The following FGF14 variants were observed in gnomAD, a reference collection of about 807,000 sequenced individuals.
The protein encoded by FGF14 is fibroblast growth factor homologous factor 4.
Under a neutral mutation model 25.5 loss-of-function variants are expected in FGF14, and 5 were observed. The observed-to-expected ratio is 0.20, with a 90% CI of 0.10 to 0.41. The LOEUF (loss-of-function observed/expected upper bound fraction) is 0.41, where lower values mean the gene tolerates loss of function less well. Among genes scored for constraint, FGF14 ranks in the 10% least tolerant of loss-of-function variants. The probability of loss-of-function intolerance (pLI) is 1.00; values close to 1 mark genes in which losing one functional copy is unlikely to be tolerated. For missense variants in FGF14, 222 were observed against 320.1 expected (o/e 0.69, Z 2.34); for synonymous variants, 138 against 118.3 (o/e 1.17, Z -1.08).
At chr13:102,143,741 C>T (rs1440055723) in intron 1 of FGF14, among the ~76,000 whole-genome samples, 1 of 152,172 alleles carries the variant, frequency 6.6e-6, no homozygotes, top group Non-Finnish European at 1.5e-5. Context: ...CACTATGTTT[C>T]AGACCTCTAT....
chr13:102,041,241 T>TCTCA (rs1449771961), intron 1 of FGF14, among the ~76,000 whole-genome samples: 1 of 152,102 alleles, frequency 6.6e-6, no homozygotes, highest in African/African-American at 2.4e-5. Context: ...AGAATGTGCA[T>TCTCA]CTCAATATAT....
At chr13:102,350,396 A>G (rs568715230) in intron 1 of FGF14, among the ~76,000 whole-genome samples, 1 of 150,984 alleles carries the variant, frequency 6.6e-6, no homozygotes, top group Non-Finnish European at 1.5e-5. Flanking sequence ...AAAAAAAATC[A>G]TCTCCCCAAC....
At position 102,097,843 on chromosome 13, in the gene FGF14, G is replaced by A. The variant is rs549539918; in HGVS notation, c.209-222547C>T. ...ACGATCAGAAAATAACAACTGCCAC[G>A]TGTGTAAAGCTCCCTGCTGATATCT... On this transcript the variant is annotated intron_variant, in intron 1 of 4. Coordinates refer to the FGF14 transcript ENST00000376131. Among the ~76,000 whole-genome samples, 13 of 152,294 alleles carry A rather than the reference G, an allele frequency of 8.5e-5. No homozygotes were observed. The South Asian group carries it at 1.2e-3, about 15-fold the overall frequency.
chr13:101,863,636 C>G (rs1378873304), intron 3 of FGF14, among the ~76,000 whole-genome samples: 1 of 151,942 alleles, frequency 6.6e-6, no homozygotes, highest in Non-Finnish European at 1.5e-5. Context: ...AGGTGAGGGA[C>G]ATGTATGTCT....
chr13:102,232,015 T>C (rs1417051825), intron 1 of FGF14, among the ~76,000 whole-genome samples: 1 of 152,224 alleles, frequency 6.6e-6, no homozygotes, highest in Non-Finnish European at 1.5e-5. Context: ...GAGTGTGCTG[T>C]GGTTTATGTA....
At chr13:102,158,450 C>T (rs1241670581) in intron 1 of FGF14, among the ~76,000 whole-genome samples, 1 of 142,554 alleles carries the variant, frequency 7.0e-6, no homozygotes, top group Non-Finnish European at 1.5e-5. Flanking sequence ...TGTTCTCACT[C>T]ATAGGTGGGA....
intron 1 of FGF14, among the ~76,000 whole-genome samples, chr13:101,953,748 G>A (rs976788589): frequency 6.6e-6 from 1 of 151,522 alleles, no homozygotes; most frequent in African/African-American, 2.4e-5. Flanking sequence ...GTGCCAACAC[G>A]GCTGGCTAAT....
chr13:102,278,707 T>C (rs1018498138), intron 1 of FGF14, among the ~76,000 whole-genome samples: 2 of 151,898 alleles, frequency 1.3e-5, no homozygotes, highest in African/African-American at 4.8e-5. Context: ...TGCATTACTC[T>C]GAAAAATCCC....
intron 1 of FGF14, among the ~76,000 whole-genome samples, chr13:102,220,951 G>A (rs1056303601): frequency 6.6e-6 from 1 of 152,118 alleles, no homozygotes; most frequent in Admixed American, 6.6e-5. Flanking sequence ...ATAAGGAAAT[G>A]CACTACACAG....
chr13:101,867,889 G>GACACACACACACACAC (rs370683665), intron 3 of FGF14, among the ~76,000 whole-genome samples: 3 of 140,590 alleles, frequency 2.1e-5, no homozygotes, highest in Non-Finnish European at 4.6e-5. Flanking sequence ...TTCTGTTTAA[G>GACACACACACACACAC]ACACACACAC....
chr13:102,375,763 A>G (rs2058025538), intron 1 of FGF14, among the ~76,000 whole-genome samples: 1 of 152,226 alleles, frequency 6.6e-6, no homozygotes, highest in Admixed American at 6.5e-5. Context: ...TAAAGTATCA[A>G]TAAAAGCTAT....
chr13:101,941,851 G>A (rs1457744680), intron 1 of FGF14, among the ~76,000 whole-genome samples: 1 of 152,118 alleles, frequency 6.6e-6, no homozygotes, highest in East Asian at 1.9e-4. Context: ...TTTTTGGCGA[G>A]TAATTGTTTT....
intron 3 of FGF14, among the ~76,000 whole-genome samples, chr13:101,765,281 C>T (rs1024170769): frequency 6.6e-6 from 1 of 152,184 alleles, no homozygotes; most frequent in African/African-American, 2.4e-5. Context: ...AAAAAACTCA[C>T]ACATACAAAG....
intron 1 of FGF14, among the ~76,000 whole-genome samples, chr13:102,305,409 C>G (rs76877226): frequency 0.023 from 3,562 of 152,106 alleles, 148 homozygotes; most frequent in African/African-American, 0.081. Flanking sequence ...ATAATAATAA[C>G]CAATCAAATG....
rs1400041726 is a variant in FGF14 at position 101,916,894 on chromosome 13, C to G, written c.-249G>C. Among the ~76,000 whole-genome samples, 1 of 152,034 alleles carries G rather than the reference C, an allele frequency of 6.6e-6. No individual in the cohort carries two copies. The highest frequency in any genetic ancestry group is 1.5e-5 in the Non-Finnish European group (1 of 67,946). On this transcript the variant is annotated 5_prime_UTR_variant, in exon 1 of 5. Coordinates refer to ENST00000376143, the MANE Select transcript of FGF14 (RefSeq NM_004115.4). Reference sequence around the variant, plus strand: ...CGGACGATCCCGGGAAGCCGGACGTCGTGGCCGCCGCCGCTTGGCCACGTC... The same window carrying G: ...CGGACGATCCCGGGAAGCCGGACGTGGTGGCCGCCGCCGCTTGGCCACGTC...
At chr13:102,047,841 T>C (rs1226684316) in intron 1 of FGF14, among the ~76,000 whole-genome samples, 3 of 152,088 alleles carry the variant, frequency 2.0e-5, no homozygotes, top group Non-Finnish European at 4.4e-5. Context: ...AAAAAAATCA[T>C]CTTTACAAAT....
At chr13:102,147,123 CA>C (rs149263145) in intron 1 of FGF14, among the ~76,000 whole-genome samples, 8,417 of 152,196 alleles carry the variant, frequency 0.055, 270 homozygotes, top group Middle Eastern at 0.17. Flanking sequence ...TATTTTAGGC[CA>C]CCCTTGGAAA....
At position 101,890,386 on chromosome 13, in the gene FGF14, T is replaced by G. The variant is rs559654984; in HGVS notation, c.194-15090A>C. 1.2e-4 allele frequency among the ~76,000 whole-genome samples: 19 copies of G among 152,174 alleles called. No homozygotes were observed. The South Asian group carries it at 3.1e-3, about 25-fold the overall frequency. On this transcript the variant is annotated intron_variant, in intron 1 of 4. Coordinates refer to ENST00000376143, the MANE Select transcript of FGF14 (RefSeq NM_004115.4). Reference sequence around the variant, plus strand: ...TCTTGGAAAACGGACTAACGCTGACTGCCCAGGACTTGTAAAAACCTTTCT... The same window carrying G: ...TCTTGGAAAACGGACTAACGCTGACGGCCCAGGACTTGTAAAAACCTTTCT...
chr13:102,391,865 G>C (rs1668504659), intron 1 of FGF14, among the ~76,000 whole-genome samples: 1 of 152,186 alleles, frequency 6.6e-6, no homozygotes, highest in South Asian at 2.1e-4. Flanking sequence ...TTGCTTAAAA[G>C]TTACAACACC....
Sources: allele counts gnomAD v4.1 joint callset (sites outside exome capture counted in the v4.1 genomes callset), GRCh38; gene constraint gnomAD v4.1.1; transcripts MANE v1.5; gene names NCBI Gene and HGNC (gene_info 2026-07-23, HGNC 2026-07-21).